DNAJA4: variants seen among roughly 807,000 people sequenced by gnomAD.
The protein encoded by DNAJA4 is dnaJ homolog subfamily A member 4.
DNAJA4 carries 32 observed loss-of-function variants against 39.7 expected under a neutral mutation model. That is an observed-to-expected ratio of 0.81 (90% CI 0.61 to 1.08). The LOEUF is 1.08. Among genes scored for constraint, DNAJA4 ranks in the 50% least tolerant of loss-of-function variants. The pLI, the probability that DNAJA4 is intolerant of heterozygous loss-of-function variation, is 0.00. For synonymous variants in DNAJA4, 184 were observed against 182.4 expected (o/e 1.01, Z -0.07); for missense variants, 439 against 505.1 (o/e 0.87, Z 1.25).
rs2049113927 is a variant in DNAJA4, at chr15:78,266,058, CACTT to C, written c.132+1164_132+1167del. On this transcript the variant is annotated intron_variant, in intron 1 of 6. Coordinates refer to ENST00000394852, the MANE Select transcript of DNAJA4 (RefSeq NM_001130182.2). ...CCTGTAAGACCATTTGTCTGTTACTCACTTGCGTTCTTTCTCATCTATATTTAGA... is the reference window on the plus strand; with the variant it reads ...CCTGTAAGACCATTTGTCTGTTACTCGCGTTCTTTCTCATCTATATTTAGA... 8.3e-6 allele frequency: 5 copies of C among 604,712 alleles called. No individual in the cohort carries two copies. The South Asian group carries it at 1.0e-4, about 13-fold the overall frequency. The allele number at this position is 604,712 out of a possible 1,614,324, so 37.5% of individuals were successfully genotyped here.
At position 78,280,266 on chromosome 15, in the gene DNAJA4, T is replaced by C; in HGVS notation, c.1000T>C (p.Trp334Arg). The change falls in exon 7 of 7, where the codon TGG becomes CGG. Residue 334 changes from tryptophan to arginine, a missense_variant. Transcript: ENST00000394852. Reference protein sequence around the residue: ...QFLVIFPEKHWLSLEKLPQLE... With the variant: ...QFLVIFPEKHRLSLEKLPQLE... ...ACAGGTAATCTTTCCTGAAAAACAC[T>C]GGCTTTCTCTGGAAAAGCTTCCTCA... 1 of 1,614,134 alleles carries C rather than the reference T, an allele frequency of 6.2e-7. No individual in the cohort carries two copies. Among genetic ancestry groups the C allele is most frequent in the East Asian group, 2.2e-5 (1 of 44,888 alleles).
Position 78,264,909 on chromosome 15 carries a change from C to G in DNAJA4, c.132+14C>G. On this transcript the variant is annotated intron_variant, in intron 1 of 6. Transcript: ENST00000394852. ...GAGGGCGAGAAGGTGCGGGGCGGCG[C>G]GGGGCACGGGCCGGGCTCCCGAGGG... The G allele has an allele frequency of 6.3e-7, 1 of 1,576,974 alleles. No individual in the cohort carries two copies. Among genetic ancestry groups the G allele is most frequent in the South Asian group, 1.1e-5 (1 of 87,436 alleles).
chr15:78,275,543 AGGAGCCTGAGCT>A lies in DNAJA4; in HGVS notation c.701_712del (p.Glu234_Pro237del). The A allele has an allele frequency of 6.2e-7, 1 of 1,614,220 alleles. No individual in the cohort carries two copies. Among genetic ancestry groups the A allele is most frequent in the Non-Finnish European group, 8.5e-7 (1 of 1,180,024 alleles). The stretch of plus-strand genomic sequence containing the variant: ...ATACTATTTCATGGAGAAGGAGATC[AGGAGCCTGAGCT>A]GGAGCCTGGTGATGTCATAATTGTG... On this transcript the variant is annotated inframe_deletion, in exon 5 of 7. Transcript: ENST00000394852.
rs960495588 is a variant in DNAJA4 at position 78,264,977 on chromosome 15, C to A, written c.132+82C>A. 4.3e-6 allele frequency: 6 copies of A among 1,404,238 alleles called. No individual in the cohort carries two copies. In the East Asian group the frequency reaches 1.8e-4, roughly 41 times the overall value. The allele number at this position is 1,404,238 out of a possible 1,614,324, so 87.0% of individuals were successfully genotyped here. On this transcript the variant is annotated intron_variant, in intron 1 of 6. Coordinates refer to ENST00000394852, the MANE Select transcript of DNAJA4 (RefSeq NM_001130182.2). ...CAGGAGCATTGAAGGCGACGGGAAACCTGAGCCGCGTTTGTTGGGGAGGCT... is the reference window on the plus strand; with the variant it reads ...CAGGAGCATTGAAGGCGACGGGAAAACTGAGCCGCGTTTGTTGGGGAGGCT...
intron 1 of DNAJA4, among the ~76,000 whole-genome samples, chr15:78,269,555 TAACCTTTC>T (rs1446253127): frequency 6.6e-6 from 1 of 152,228 alleles, no homozygotes; most frequent in African/African-American, 2.4e-5. Flanking sequence ...ACCTATAGCA[TAACCTTTC>T]AGCCCTAAGT....
intron 2 of DNAJA4, among the ~76,000 whole-genome samples, chr15:78,270,959 TTGAGA>T (rs1432455275): frequency 6.6e-6 from 1 of 152,068 alleles, no homozygotes; most frequent in African/African-American, 2.4e-5. Context: ...CCGCTACTTC[TTGAGA>T]TGCTGAGGCT....
chr15:78,276,752 A>AG (rs2049472979), intron 5 of DNAJA4, among the ~76,000 whole-genome samples: 1 of 152,168 alleles, frequency 6.6e-6, no homozygotes, highest in Non-Finnish European at 1.5e-5. Context: ...TTGGTGCAAA[A>AG]GGGGTAGGTT....
In DNAJA4 at chr15:78,275,586, T is replaced by C; in HGVS notation, c.735T>C (p.Asp245=). The C allele has an allele frequency of 1.2e-6, 2 of 1,614,148 alleles. No homozygotes were observed. Among genetic ancestry groups the C allele is most frequent in the Non-Finnish European group, 1.7e-6 (2 of 1,180,006 alleles). Residue 245 remains aspartate (D), a synonymous_variant, in exon 5 of 7, where the codon GAT becomes GAC. Transcript: ENST00000394852. ...CTGGTGATGTCATAATTGTGCTTGA[T>C]CAGAAGGATCATAGTGTCTTTCAGA... The part of the protein sequence containing the change: ...LEPGDVIIVL[D]QKDHSVFQRR...
In DNAJA4 at chr15:78,279,811, C is replaced by T. The variant is rs935273150; in HGVS notation, c.878-234C>T. ...GATGGCAGCTGCACCATGCTGCCCTCTTGACACACTGCTGGAGCCCAGAGC... is the reference window on the plus strand; with the variant it reads ...GATGGCAGCTGCACCATGCTGCCCTTTTGACACACTGCTGGAGCCCAGAGC... On this transcript the variant is annotated intron_variant, in intron 5 of 6. Coordinates refer to ENST00000394852, the MANE Select transcript of DNAJA4 (RefSeq NM_001130182.2). The surrounding 1 kb of genome is among the most constrained non-coding windows in gnomAD (Gnocchi z 4.5). The T allele has an allele frequency of 1.4e-5, 8 of 583,604 alleles. No individual in the cohort carries two copies. The highest frequency in any genetic ancestry group is 2.1e-5 in the Non-Finnish European group (7 of 328,124). 36.2% of individuals were successfully genotyped at this position (583,604 alleles called of 1,614,324 possible).
chr15:78,274,681 G>A (rs561875884), intron 4 of DNAJA4: 12 of 500,988 alleles, frequency 2.4e-5, no homozygotes, highest in African/African-American at 7.7e-5. Flanking sequence ...GTTTTCTAAC[G>A]CTCTGAAAGT....
rs190648556 is a variant in DNAJA4 at position 78,278,471 on chromosome 15, T to C, written c.878-1574T>C. On this transcript the variant is annotated intron_variant, in intron 5 of 6. Transcript: ENST00000394852. ...ACACCCTAGGCTGTGTGGCATAGCC[T>C]GTTGCTCCTGGGCTAAAACCTGCAC... Among the ~76,000 whole-genome samples the C allele has an allele frequency of 4.1e-4, 62 of 152,362 alleles. No individual in the cohort carries two copies. The South Asian group carries it at 8.7e-3, about 21-fold the overall frequency.
rs1323455930 is a variant in DNAJA4 at position 78,281,577 on chromosome 15, G to C, written c.*1117G>C. ...TACTACTGTAAATTATAGCTTGTTT[G>C]GAGGGATATTAGTCATTATTTTATT... On this transcript the variant is annotated 3_prime_UTR_variant, in exon 7 of 7. Coordinates refer to ENST00000394852, the MANE Select transcript of DNAJA4 (RefSeq NM_001130182.2). The C allele has an allele frequency of 3.3e-5, 5 of 152,214 alleles. No homozygotes were observed. Among genetic ancestry groups the C allele is most frequent in the African/African-American group, 1.2e-4 (5 of 41,458 alleles). The allele number at this position is 152,214 out of a possible 1,614,324, so 9.4% of individuals were successfully genotyped here.
intron 2 of DNAJA4, among the ~76,000 whole-genome samples, chr15:78,272,161 C>A (rs1235852198): frequency 1.3e-4 from 20 of 152,002 alleles, no homozygotes; most frequent in Admixed American, 1.3e-3. Flanking sequence ...ATGGTGAAAC[C>A]CCGTCTCTAC....
intron 2 of DNAJA4, among the ~76,000 whole-genome samples, chr15:78,271,030 G>T (rs542932139): frequency 6.6e-6 from 1 of 151,172 alleles, no homozygotes; most frequent in African/African-American, 2.4e-5. Flanking sequence ...CAGCCTGCAC[G>T]GCAGGGTGAG....
At chr15:78,272,801 T>C (rs1258355462) in intron 2 of DNAJA4, among the ~76,000 whole-genome samples, 1 of 152,282 alleles carries the variant, frequency 6.6e-6, no homozygotes, top group Non-Finnish European at 1.5e-5. Context: ...AGTACTCTCC[T>C]TGTCCTCAGA....
At chr15:78,264,360 G>A (rs905058930), upstream of DNAJA4, 8 of 1,448,174 alleles carry the variant, frequency 5.5e-6, no homozygotes, top group African/African-American at 8.9e-5. Context: ...GAATCAGACG[G>A]GCAGCCAAAG....
At chr15:78,271,499 G>A (rs1444108064) in intron 2 of DNAJA4, among the ~76,000 whole-genome samples, 1 of 152,154 alleles carries the variant, frequency 6.6e-6, no homozygotes, top group African/African-American at 2.4e-5. Flanking sequence ...GATTTTCTAG[G>A]CAACAAAATT....
rs2049097646 is a variant in DNAJA4 at position 78,265,533 on chromosome 15, C to T, written c.132+638C>T. Reference sequence around the variant, plus strand: ...AGCTTGTACTCATATTCTGGGTTTTCGGTGACAAGTGACACACAGTTGATC... The same window carrying T: ...AGCTTGTACTCATATTCTGGGTTTTTGGTGACAAGTGACACACAGTTGATC... On this transcript the variant is annotated intron_variant, in intron 1 of 6. Coordinates refer to ENST00000394852, the MANE Select transcript of DNAJA4 (RefSeq NM_001130182.2). 3 of 702,334 alleles carry T rather than the reference C, an allele frequency of 4.3e-6. No homozygotes were observed. The East Asian group carries it at 8.0e-5, about 19-fold the overall frequency. 43.5% of individuals were successfully genotyped at this position (702,334 alleles called of 1,614,324 possible).
rs578060742 is a variant in DNAJA4 at position 78,264,750 on chromosome 15, C to G, written c.-14C>G. On this transcript the variant is annotated 5_prime_UTR_variant, in exon 1 of 7. Transcript: ENST00000394852. The stretch of plus-strand genomic sequence containing the variant: ...GCTCTGACCGGCCTCGCCCGCCCCC[C>G]CCGCAGACACAAGATGGTGAAGGAG... The G allele has an allele frequency of 3.2e-5, 50 of 1,571,386 alleles. No individual in the cohort carries two copies. The East Asian group carries it at 8.2e-4, about 26-fold the overall frequency.
Sources: allele counts gnomAD v4.1 joint callset (sites outside exome capture counted in the v4.1 genomes callset), GRCh38; gene constraint gnomAD v4.1.1; non-coding constraint Gnocchi (gnomAD v3.1); transcripts MANE v1.5; gene names NCBI Gene and HGNC (gene_info 2026-07-23, HGNC 2026-07-21).